Variants in AGBL4 observed in about 807,000 individuals in gnomAD.
The protein encoded by AGBL4 is AGBL carboxypeptidase 4.
In AGBL4, 58 loss-of-function variants were observed where a neutral mutation model predicts 66.4. The ratio of observed to expected loss-of-function variants is 0.87; its 90% CI spans 0.71 to 1.09. AGBL4 has a LOEUF of 1.09. Among genes scored for constraint, AGBL4 ranks in the 50% least tolerant of loss-of-function variants. The probability of loss-of-function intolerance (pLI) is 0.00; values close to 1 mark genes in which losing one functional copy is unlikely to be tolerated. For missense variants in AGBL4, 579 were observed against 631.0 expected, an observed-to-expected ratio of 0.92 and a Z score of 0.88; for synonymous variants, 234 against 222.9, an observed-to-expected ratio of 1.05 and a Z score of -0.44.
chr1:49,552,067 G>C (rs1223009282), intron 3 of AGBL4, among the ~76,000 whole-genome samples: 1 of 152,090 alleles, frequency 6.6e-6, no homozygotes, highest in Non-Finnish European at 1.5e-5. Flanking sequence ...AAGTCATGCA[G>C]GTTGTCAGGG....
chr1:49,935,366 G>A (rs963264258), intron 1 of AGBL4, among the ~76,000 whole-genome samples: 1 of 152,224 alleles, frequency 6.6e-6, no homozygotes, highest in South Asian at 2.1e-4. Context: ...ACAGCTCAAG[G>A]TTGCCTGCCT....
At chr1:48,755,100 A>T (rs1339616504) in intron 6 of AGBL4, among the ~76,000 whole-genome samples, 3 of 152,232 alleles carry the variant, frequency 2.0e-5, no homozygotes, top group African/African-American at 4.8e-5. Flanking sequence ...TGTACGATTC[A>T]GTGAAGCCTC....
chr1:48,666,095 T>C (rs188068561), intron 6 of AGBL4, among the ~76,000 whole-genome samples: 96 of 152,332 alleles, frequency 6.3e-4, no homozygotes, highest in African/African-American at 2.2e-3. Flanking sequence ...AATTGCTTTG[T>C]CATTTAGAAG....
chr1:49,247,747 C>T (rs879276932), intron 3 of AGBL4, among the ~76,000 whole-genome samples: 2 of 152,106 alleles, frequency 1.3e-5, no homozygotes, highest in Non-Finnish European at 2.9e-5. Context: ...TAAAGTGAAA[C>T]ATGCACTGAT....
chr1:49,137,762 C>T (rs1646040285), intron 4 of AGBL4, among the ~76,000 whole-genome samples: 1 of 152,048 alleles, frequency 6.6e-6, no homozygotes, highest in Non-Finnish European at 1.5e-5. Flanking sequence ...TCAGAAATTA[C>T]CTCTGTAACT....
intron 3 of AGBL4, among the ~76,000 whole-genome samples, chr1:49,666,829 G>A (rs1290838776): frequency 6.6e-6 from 1 of 152,018 alleles, no homozygotes; most frequent in Non-Finnish European, 1.5e-5. Context: ...TTTACCAAGA[G>A]GTTAAATAAT....
At chr1:49,373,892 T>C (rs1242556842) in intron 3 of AGBL4, among the ~76,000 whole-genome samples, 2 of 152,304 alleles carry the variant, frequency 1.3e-5, no homozygotes, top group East Asian at 3.9e-4. Flanking sequence ...GCCCGGTATA[T>C]GGTATTGGGT....
At position 49,400,155 on chromosome 1, in the gene AGBL4, T is replaced by C. The variant is rs1037140909; in HGVS notation, c.283-154291A>G. Among the ~76,000 whole-genome samples, 3 of 152,184 alleles carry C rather than the reference T, an allele frequency of 2.0e-5. No homozygotes were observed. In the East Asian group the frequency reaches 5.8e-4, roughly 29 times the overall value. On this transcript the variant is annotated intron_variant, in intron 3 of 13. Coordinates refer to ENST00000371839, the MANE Select transcript of AGBL4 (RefSeq NM_032785.4). ...AAGAGACTGTGTTTTCCCCAGTGTA[T>C]GTTCTTGGCAACTTTGTCAAAAATG...
intron 2 of AGBL4, among the ~76,000 whole-genome samples, chr1:49,850,787 T>C (rs965488321): frequency 5.9e-5 from 9 of 152,118 alleles, no homozygotes; most frequent in Admixed American, 5.2e-4. Context: ...CTCACTAATA[T>C]TTTCAACATA....
At chr1:48,916,722 C>G (rs2148887347) in intron 5 of AGBL4, among the ~76,000 whole-genome samples, 1 of 152,284 alleles carries the variant, frequency 6.6e-6, no homozygotes, top group East Asian at 1.9e-4. Context: ...GTTCTGTAAC[C>G]TCCACCAGGG....
chr1:49,336,193 C>T (rs140670381), intron 3 of AGBL4, among the ~76,000 whole-genome samples: 1 of 151,948 alleles, frequency 6.6e-6, no homozygotes, highest in African/African-American at 2.4e-5. Flanking sequence ...ACTTTGATCT[C>T]AGGCAAGAGA....
At chr1:49,431,945 G>A (rs867239731) in intron 3 of AGBL4, among the ~76,000 whole-genome samples, 3 of 152,064 alleles carry the variant, frequency 2.0e-5, no homozygotes, top group African/African-American at 7.2e-5. Flanking sequence ...AACAGCTATT[G>A]CCCTTGTACA....
In AGBL4 at chr1:48,820,644, C is replaced by T. The variant is rs529942591; in HGVS notation, c.634+46547G>A. Among the ~76,000 whole-genome samples, 23 of 152,200 alleles carry T rather than the reference C, an allele frequency of 1.5e-4. No homozygotes were observed. In the South Asian group the frequency reaches 2.3e-3, roughly 15 times the overall value. On this transcript the variant is annotated intron_variant, in intron 6 of 13. Coordinates refer to ENST00000371839, the MANE Select transcript of AGBL4 (RefSeq NM_032785.4). Reference sequence around the variant, plus strand: ...TTTTTCCCTGCCTTCAAACTCCAACCGAAATATCAGCTGTTCCTAGGTCTT... The same window carrying T: ...TTTTTCCCTGCCTTCAAACTCCAACTGAAATATCAGCTGTTCCTAGGTCTT...
At chr1:49,506,436 G>T (rs1648694750) in intron 3 of AGBL4, among the ~76,000 whole-genome samples, 2 of 151,984 alleles carry the variant, frequency 1.3e-5, no homozygotes, top group Non-Finnish European at 2.9e-5. Context: ...GGACCCAGTG[G>T]GCGGTACTTG....
At chr1:49,546,476 G>A (rs760544753) in intron 3 of AGBL4, among the ~76,000 whole-genome samples, 3 of 151,936 alleles carry the variant, frequency 2.0e-5, no homozygotes, top group East Asian at 1.9e-4. Context: ...ATGAACATGC[G>A]TTTGCAAATA....
At chr1:48,788,225 T>C (rs1213414422) in intron 6 of AGBL4, among the ~76,000 whole-genome samples, 1 of 152,236 alleles carries the variant, frequency 6.6e-6, no homozygotes, top group Non-Finnish European at 1.5e-5. Flanking sequence ...ACACAGTAGG[T>C]TGCAAAAACT....
At chr1:48,878,748 G>GAT (rs1558060421) in intron 5 of AGBL4, among the ~76,000 whole-genome samples, 2 of 152,146 alleles carry the variant, frequency 1.3e-5, no homozygotes, top group African/African-American at 4.8e-5. Context: ...TGAATTGCAC[G>GAT]ATATTGTGGA....
intron 3 of AGBL4, among the ~76,000 whole-genome samples, chr1:49,322,463 C>T (rs141629619): frequency 6.6e-6 from 1 of 152,266 alleles, no homozygotes; most frequent in Non-Finnish European, 1.5e-5. Flanking sequence ...ACATCCAAAT[C>T]ACTGGAACTT....
At chr1:49,410,336 T>C (rs550870052) in intron 3 of AGBL4, among the ~76,000 whole-genome samples, 1 of 152,264 alleles carries the variant, frequency 6.6e-6, no homozygotes, top group African/African-American at 2.4e-5. Flanking sequence ...CCATGATATT[T>C]CCCTTCTACA....
Sources: allele counts gnomAD v4.1 joint callset (sites outside exome capture counted in the v4.1 genomes callset), GRCh38; gene constraint gnomAD v4.1.1; transcripts MANE v1.5; gene names NCBI Gene and HGNC (gene_info 2026-07-23, HGNC 2026-07-21).